Variants in METTL4 observed in about 807,000 individuals in gnomAD.
METTL4 encodes the protein methyltransferase 4, N6-adenosine, also known as N(6)-adenine-specific methyltransferase METTL4.
METTL4 carries 40 observed loss-of-function variants against 54.0 expected under a neutral mutation model. The observed-to-expected ratio is 0.74, with a 90% CI of 0.58 to 0.96. The LOEUF (loss-of-function observed/expected upper bound fraction) is 0.96, where lower values mean the gene tolerates loss of function less well. Among genes scored for constraint, METTL4 ranks in the 50% least tolerant of loss-of-function variants. The pLI is 0.00. For synonymous variants in METTL4, 169 were observed against 183.8 expected, an observed-to-expected ratio of 0.92 and a Z score of 0.65; for missense variants, 525 against 549.0, an observed-to-expected ratio of 0.96 and a Z score of 0.44.
intron 3 of METTL4, among the ~76,000 whole-genome samples, chr18:2,560,643 C>T (rs1435366703): frequency 2.6e-5 from 4 of 152,068 alleles, no homozygotes; most frequent in Non-Finnish European, 5.9e-5. Context: ...TTTGGGAGGC[C>T]GAGGCGGGCA....
intron 2 of METTL4, among the ~76,000 whole-genome samples, chr18:2,564,996 G>A (rs920762628): frequency 1.3e-5 from 2 of 152,046 alleles, no homozygotes; most frequent in African/African-American, 4.8e-5. Flanking sequence ...TTTGATGAAA[G>A]GAAAAAGGGG....
chr18:2,539,985 T>C (rs1472057717), intron 8 of METTL4: 1 of 978,464 alleles, frequency 1.0e-6, no homozygotes, highest in Non-Finnish European at 1.2e-6. Context: ...TAGCAGTAAA[T>C]TGGTAGCACT....
At chr18:2,540,043 T>G in intron 8 of METTL4, 1 of 978,122 alleles carries the variant, frequency 1.0e-6, no homozygotes, top group Non-Finnish European at 1.2e-6. Flanking sequence ...TTACCTAAAA[T>G]TTCATCATGG....
intron 8 of METTL4, chr18:2,540,014 T>C: frequency 1.0e-6 from 1 of 979,000 alleles, no homozygotes; most frequent in Non-Finnish European, 1.2e-6. Flanking sequence ...TTCTTCATTT[T>C]CAAATTATAG....
rs547448900 is a variant in METTL4, at chr18:2,558,312, A to C, written c.460-3274T>G. Among the ~76,000 whole-genome samples, 136 of 152,352 alleles carry C rather than the reference A, an allele frequency of 8.9e-4. 2 individuals are homozygous for C. Among genetic ancestry groups the C allele is most frequent in the Middle Eastern group, 3.4e-3 (1 of 294 alleles). On this transcript the variant is annotated intron_variant, in intron 3 of 8. Coordinates refer to ENST00000574538, the MANE Select transcript of METTL4 (RefSeq NM_022840.5). ...TAAGTTAGAAATCAAGAACAAGAAG[A>C]CACTGAGATAAACTCATTACCTGGA...
chr18:2,567,268 A>C lies in METTL4; in HGVS notation c.-52T>G, dbSNP rs776197538. 3.4e-6 allele frequency: 5 copies of C among 1,489,834 alleles called. No individual in the cohort carries two copies. Among genetic ancestry groups the C allele is most frequent in the Non-Finnish European group, 4.5e-6 (5 of 1,109,960 alleles). 92.3% of individuals were successfully genotyped at this position (1,489,834 alleles called of 1,614,324 possible). On this transcript the variant is annotated 5_prime_UTR_variant, in exon 2 of 9. Coordinates refer to ENST00000574538, the MANE Select transcript of METTL4 (RefSeq NM_022840.5). ...AATTAGGAACTAGAATGAAAATCCA[A>C]CTTTCCAGATCAGCTTCTTAAATAT...
intron 2 of METTL4, among the ~76,000 whole-genome samples, chr18:2,564,210 C>T (rs947394593): frequency 8.6e-5 from 13 of 150,598 alleles, no homozygotes; most frequent in South Asian, 4.2e-4. Flanking sequence ...GAGACCATCC[C>T]GGCTAACATG....
In METTL4 at chr18:2,566,847, C is replaced by A; in HGVS notation, c.370G>T (p.Glu124Ter). Residue 124 changes from glutamate to a stop codon, truncating the protein, a stop_gained, in exon 2 of 9, where the codon GAA (glutamate) becomes TAA (stop). Coordinates refer to ENST00000574538, the MANE Select transcript of METTL4 (RefSeq NM_022840.5). LOFTEE classifies it high-confidence loss of function. ...KEDLMNGVKK[E>*]ISISIIGKKR... ...TTCCCAATAATAGAAATGGAGATTT[C>A]TTTTTTAACACCATTCATCAGATCT... is the stretch of plus-strand genomic sequence containing the variant. The A allele has an allele frequency of 8.3e-6, 13 of 1,569,372 alleles. No homozygotes were observed. The highest frequency in any genetic ancestry group is 1.1e-5 in the Non-Finnish European group (13 of 1,157,964).
In METTL4 at chr18:2,566,908, A is replaced by C; in HGVS notation, c.309T>G (p.Ala103=). 6.2e-7 allele frequency: 1 copy of C among 1,613,942 alleles called. No individual in the cohort carries two copies. Among genetic ancestry groups the C allele is most frequent in the South Asian group, 1.1e-5 (1 of 91,032 alleles). ...TACTTTGCTGGCATTCTTTATGAAC[A>C]GCTGGAGTTATATAAGGTTTGGTGA... ...FDVTKPYITP[A]VHKECQQSNE... Residue 103 remains alanine (A), a synonymous_variant, in exon 2 of 9, where the codon GCT becomes GCG. Coordinates refer to ENST00000574538, the MANE Select transcript of METTL4 (RefSeq NM_022840.5).
chr18:2,559,902 A>AT (rs1165221354), intron 3 of METTL4, among the ~76,000 whole-genome samples: 2 of 151,930 alleles, frequency 1.3e-5, no homozygotes, highest in African/African-American at 4.8e-5. Flanking sequence ...CACCTGGCTA[A>AT]TTTTTTTATA....
intron 5 of METTL4, among the ~76,000 whole-genome samples, chr18:2,550,492 T>C (rs2143512566): frequency 6.6e-6 from 1 of 152,290 alleles, no homozygotes; most frequent in South Asian, 2.1e-4. Context: ...GTAATTCCAC[T>C]TCTAGGTACA....
rs935435414 is a variant in METTL4 at position 2,538,667 on chromosome 18, G to C, written c.*333C>G. 4 of 215,258 alleles carry C rather than the reference G, an allele frequency of 1.9e-5. No individual in the cohort carries two copies. Among genetic ancestry groups the C allele is most frequent in the Non-Finnish European group, 3.7e-5 (4 of 107,926 alleles). 13.3% of individuals were successfully genotyped at this position (215,258 alleles called of 1,614,324 possible). A position where few individuals can be genotyped will look rare whatever the true frequency, so the allele number is the denominator to read the frequency against. On this transcript the variant is annotated 3_prime_UTR_variant, in exon 9 of 9. Coordinates refer to ENST00000574538, the MANE Select transcript of METTL4 (RefSeq NM_022840.5). Reference sequence around the variant, plus strand: ...TAAGTGTTTTTTACAACACTGTATGGGTCACACAAAACACATCCATAGATA... The same window carrying C: ...TAAGTGTTTTTTACAACACTGTATGCGTCACACAAAACACATCCATAGATA...
At chr18:2,561,401 A>T (rs1362799323) in intron 3 of METTL4, 2 of 152,226 alleles carry the variant, frequency 1.3e-5, no homozygotes, top group Non-Finnish European at 2.9e-5. Flanking sequence ...ATTTTACACA[A>T]CGACAAAACA....
Position 2,571,352 on chromosome 18 carries a change from G to T in METTL4, c.-642C>A, listed in dbSNP as rs1419198356. ...AGTTGAGCGTTCAGGGCACTCCTCGGCGCTCAAGCTGCCCACAGGTCTTCC... is the reference window on the plus strand; with the variant it reads ...AGTTGAGCGTTCAGGGCACTCCTCGTCGCTCAAGCTGCCCACAGGTCTTCC... On this transcript the variant is annotated 5_prime_UTR_variant, in exon 1 of 9. Transcript: ENST00000574538. The T allele has an allele frequency of 6.6e-6, 1 of 152,272 alleles. No individual in the cohort carries two copies. Among genetic ancestry groups the T allele is most frequent in the East Asian group, 1.9e-4 (1 of 5,194 alleles). The allele number at this position is 152,272 out of a possible 1,614,324, so 9.4% of individuals were successfully genotyped here. A position where few individuals can be genotyped will look rare whatever the true frequency, so the allele number is the denominator to read the frequency against.
rs1192522533 is a variant in METTL4, at chr18:2,571,367, A to T, written c.-657T>A. ...GCACTCCTCGGCGCTCAAGCTGCCC[A>T]CAGGTCTTCCGACCTAACTTTAGGG... is the stretch of plus-strand genomic sequence containing the variant. On this transcript the variant is annotated 5_prime_UTR_variant, in exon 1 of 9. Coordinates refer to ENST00000574538, the MANE Select transcript of METTL4 (RefSeq NM_022840.5). 6.6e-6 allele frequency: 1 copy of T among 152,298 alleles called. No homozygotes were observed. The highest frequency in any genetic ancestry group is 6.5e-5 in the Admixed American group (1 of 15,288). The allele number at this position is 152,298 out of a possible 1,614,324, so 9.4% of individuals were successfully genotyped here. A position where few individuals can be genotyped will look rare whatever the true frequency, so the allele number is the denominator to read the frequency against.
At chr18:2,552,536 G>T (rs74559233) in intron 5 of METTL4, among the ~76,000 whole-genome samples, 159 bp downstream of exon 5, 2 of 152,248 alleles carry the variant, frequency 1.3e-5, no homozygotes, top group Non-Finnish European at 2.9e-5. Context: ...CAGTTCAAGA[G>T]AATTAACTAG....
rs1468998765 is a variant in METTL4 at position 2,539,053 on chromosome 18, C to T, written c.1366G>A (p.Val456Ile). Residue 456 changes from valine to isoleucine, a missense_variant, in exon 9 of 9, where the codon GTT becomes ATT. By Grantham distance (29) the Val-to-Ile change is conservative. Coordinates refer to ENST00000574538, the MANE Select transcript of METTL4 (RefSeq NM_022840.5). ...QPGWTSWGNE[V>I]LKFQHVDYFI... ...TAATCCACATGCTGAAATTTGAGAA[C>T]TTCATTGCCCCAACTAGTCCAACCT... 6.2e-7 allele frequency: 1 copy of T among 1,613,968 alleles called. No individual in the cohort carries two copies. The highest frequency in any genetic ancestry group is 8.5e-7 in the Non-Finnish European group (1 of 1,179,906).
intron 5 of METTL4, among the ~76,000 whole-genome samples, chr18:2,549,416 G>A (rs2072118872): frequency 6.6e-6 from 1 of 152,146 alleles, no homozygotes; most frequent in African/African-American, 2.4e-5. Flanking sequence ...AAAAGGTGTG[G>A]AGGGGAGGAG....
chr18:2,545,683 A>G (rs558128547), intron 6 of METTL4, among the ~76,000 whole-genome samples: 3 of 152,224 alleles, frequency 2.0e-5, no homozygotes, highest in South Asian at 4.1e-4. Context: ...CAATGTACCT[A>G]AACAACCAAC....
Sources: allele counts gnomAD v4.1 joint callset (sites outside exome capture counted in the v4.1 genomes callset), GRCh38; gene constraint gnomAD v4.1.1; transcripts MANE v1.5; gene names NCBI Gene and HGNC (gene_info 2026-07-23, HGNC 2026-07-21).